Variants in CNTN4 observed in about 807,000 individuals in gnomAD.
The protein encoded by CNTN4 is contactin 4, also known as contactin-4.
CNTN4 carries 77 observed loss-of-function variants against 122.5 expected under a neutral mutation model. The ratio of observed to expected loss-of-function variants is 0.63; its 90% confidence interval spans 0.52 to 0.76. The LOEUF is 0.76. Among genes scored for constraint, CNTN4 ranks in the 30% least tolerant of loss-of-function variants. The probability of loss-of-function intolerance (pLI) is 0.00; values close to 1 mark genes in which losing one functional copy is unlikely to be tolerated. For missense variants in CNTN4, 1,256 were observed against 1,259.1 expected (o/e 1.00, Z 0.04); for synonymous variants, 512 against 447.0 (o/e 1.15, Z -1.83).
intron 4 of CNTN4, among the ~76,000 whole-genome samples, chr3:2,616,726 C>G (rs2149879776): frequency 6.6e-6 from 1 of 152,242 alleles, no homozygotes; most frequent in African/African-American, 2.4e-5. Flanking sequence ...CATCGTGCTC[C>G]CTGACTTCGA....
chr3:2,676,414 G>T (rs530049390), intron 4 of CNTN4, among the ~76,000 whole-genome samples: 1 of 152,262 alleles, frequency 6.6e-6, no homozygotes, highest in East Asian at 1.9e-4. Context: ...TAGAGACAGG[G>T]TTTCTGTATG....
intron 4 of CNTN4, among the ~76,000 whole-genome samples, chr3:2,726,858 T>C (rs908487): frequency 0.88 from 133,911 of 152,096 alleles, 59,456 homozygotes; most frequent in East Asian, 1. Context: ...CATATTGGCT[T>C]ATCGATTGTA....
intron 13 of CNTN4, among the ~76,000 whole-genome samples, chr3:2,958,832 A>G (rs1375717934): frequency 2.0e-5 from 3 of 152,146 alleles, no homozygotes; most frequent in African/African-American, 7.2e-5. Context: ...CCAGGGAACT[A>G]ATGCTCAACC....
intron 10 of CNTN4, among the ~76,000 whole-genome samples, chr3:2,899,731 T>A (rs777975104): frequency 6.6e-6 from 1 of 152,178 alleles, no homozygotes; most frequent in Non-Finnish European, 1.5e-5. Context: ...AGTGCTACTT[T>A]GAATTCTTGT....
chr3:2,615,370 A>G (rs1222303934), intron 4 of CNTN4, among the ~76,000 whole-genome samples: 1 of 152,194 alleles, frequency 6.6e-6, no homozygotes, highest in African/African-American at 2.4e-5. Context: ...CAGTGATGAT[A>G]TGAAAGAATC....
At chr3:2,972,940 C>G (rs1057062755) in intron 13 of CNTN4, among the ~76,000 whole-genome samples, 1 of 151,564 alleles carries the variant, frequency 6.6e-6, no homozygotes, top group African/African-American at 2.4e-5. Flanking sequence ...TTCTCTTTTT[C>G]GGTCATCAAC....
intron 3 of CNTN4, among the ~76,000 whole-genome samples, chr3:2,468,724 A>G (rs1419208388): frequency 1.3e-5 from 2 of 151,538 alleles, no homozygotes; most frequent in East Asian, 3.9e-4. Context: ...TTTCTTCTCT[A>G]TGCTTCTAAG....
In CNTN4 at chr3:2,848,491, C is replaced by A. The variant is rs563654896; in HGVS notation, c.455-18261C>A. On this transcript the variant is annotated intron_variant, in intron 7 of 24. Transcript: ENST00000418658. Reference sequence around the variant, plus strand: ...CTTGTTAAGATTATGTAATACTCTTCAGTGCTATGTCTGTTGTTTAAGTGT... The same window carrying A: ...CTTGTTAAGATTATGTAATACTCTTAAGTGCTATGTCTGTTGTTTAAGTGT... Among the ~76,000 whole-genome samples, 9 of 152,326 alleles carry A rather than the reference C, an allele frequency of 5.9e-5. No individual in the cohort carries two copies. The East Asian group carries it at 1.7e-3, about 29-fold the overall frequency.
intron 4 of CNTN4, among the ~76,000 whole-genome samples, chr3:2,611,313 G>GAAAAAAAAAAA (rs1370397110): frequency 2.6e-5 from 3 of 113,600 alleles, no homozygotes; most frequent in African/African-American, 7.6e-5. Context: ...AAAAAAAAAA[G>GAAAAAAAAAAA]AAAGAAAGAA....
At chr3:2,197,050 G>GAAAAAA (rs756328918) in intron 2 of CNTN4, among the ~76,000 whole-genome samples, 10 of 86,944 alleles carry the variant, frequency 1.2e-4, no homozygotes, top group Non-Finnish European at 1.5e-4. Flanking sequence ...GGTCTCACCA[G>GAAAAAA]AAAAAAAAAA....
At chr3:2,725,848 A>C (rs1411950791) in intron 4 of CNTN4, among the ~76,000 whole-genome samples, 2 of 152,252 alleles carry the variant, frequency 1.3e-5, no homozygotes, top group Non-Finnish European at 2.9e-5. Flanking sequence ...AAAAGAAATA[A>C]GAATAGAACG....
At chr3:2,790,704 T>C (rs2091981529) in intron 6 of CNTN4, among the ~76,000 whole-genome samples, 1 of 152,226 alleles carries the variant, frequency 6.6e-6, no homozygotes, top group African/African-American at 2.4e-5. Context: ...ATGTCTGTCA[T>C]AGACCTATCC....
Position 2,152,328 on chromosome 3 carries a change from C to T in CNTN4, c.-145+51689C>T, listed in dbSNP as rs142333297. On this transcript the variant is annotated intron_variant, in intron 2 of 24. Coordinates refer to ENST00000418658, the MANE Select transcript of CNTN4 (RefSeq NM_175607.3). ...AGGTTAGAGAAGTGATAAGAGGTGG[C>T]ATCAGGCCAGTCTTTGTAAACCACT... Among the ~76,000 whole-genome samples, 62 of 152,248 alleles carry T rather than the reference C, an allele frequency of 4.1e-4. 1 individual carries two copies. In the East Asian group the frequency reaches 0.011, roughly 28 times the overall value.
At chr3:2,723,383 C>CGTTTGTG (rs2087988534) in intron 4 of CNTN4, among the ~76,000 whole-genome samples, 1 of 152,148 alleles carries the variant, frequency 6.6e-6, no homozygotes, top group African/African-American at 2.4e-5. Context: ...TCACAAAATA[C>CGTTTGTG]CTGAGACTAT....
intron 2 of CNTN4, among the ~76,000 whole-genome samples, chr3:2,173,190 C>A (rs570248584): frequency 1.3e-5 from 2 of 152,244 alleles, no homozygotes; most frequent in East Asian, 3.9e-4. Flanking sequence ...TTTTGATGGG[C>A]TAAGAACTCC....
At chr3:2,939,589 A>G (rs1324893423) in intron 13 of CNTN4, among the ~76,000 whole-genome samples, 1 of 152,240 alleles carries the variant, frequency 6.6e-6, no homozygotes, top group Non-Finnish European at 1.5e-5. Context: ...ACATGTAGTA[A>G]GTCAGCAAGG....
At chr3:3,013,083 A>G (rs1001675276) in intron 14 of CNTN4, among the ~76,000 whole-genome samples, 1 of 152,168 alleles carries the variant, frequency 6.6e-6, no homozygotes, top group Non-Finnish European at 1.5e-5. Context: ...AATCTTTGGC[A>G]TCAATAGTAA....
intron 7 of CNTN4, among the ~76,000 whole-genome samples, chr3:2,837,267 A>G (rs1437419378): frequency 6.6e-6 from 1 of 152,196 alleles, no homozygotes; most frequent in Non-Finnish European, 1.5e-5. Context: ...AGTTTCCACC[A>G]TACATGGACA....
chr3:2,129,355 G>C (rs1374020441), intron 2 of CNTN4, among the ~76,000 whole-genome samples: 3 of 149,722 alleles, frequency 2.0e-5, no homozygotes, highest in Non-Finnish European at 4.4e-5. Flanking sequence ...CAAAATAACT[G>C]TTGGCTTCCG....
Sources: gnomAD v4.1 joint callset for allele counts (sites outside exome capture counted in the v4.1 genomes callset) on GRCh38, gnomAD v4.1.1 for gene constraint, MANE v1.5 for transcripts, NCBI Gene and HGNC (gene_info 2026-07-23, HGNC 2026-07-21) for gene names.